Variants in OR51B5 observed in about 807,000 individuals in gnomAD.
The protein encoded by OR51B5 is olfactory receptor 51B5.
For missense variants in OR51B5, 456 were observed against 374.6 expected (o/e 1.22, Z -1.79); for synonymous variants, 186 against 144.8 (o/e 1.28, Z -2.04).
chr11:5,387,150 G>C (rs1050884391), intron 1 of OR51B5, among the ~76,000 whole-genome samples: 1 of 152,084 alleles, frequency 6.6e-6, no homozygotes, highest in Non-Finnish European at 1.5e-5. Context: ...ATAAATATTT[G>C]AGCAATGGAA....
Position 5,488,200 on chromosome 11 carries a change from G to A in OR51B5, n.84+17369C>T, listed in dbSNP as rs918718638. Among the ~76,000 whole-genome samples the A allele has an allele frequency of 2.6e-5, 4 of 152,152 alleles. No homozygotes were observed. The East Asian group carries it at 5.8e-4, about 22-fold the overall frequency. ...CCCAGCAGAATTTTGTAAGATAGTG[G>A]AAGTAGGAAAAATACAAAATTAGAG... is the stretch of plus-strand genomic sequence containing the variant. On this transcript the variant is annotated intron_variant and non_coding_transcript_variant, in intron 1 of 4. Transcript: ENST00000415970.
At chr11:5,425,829 T>A (rs2093283624) in intron 1 of OR51B5, among the ~76,000 whole-genome samples, 1 of 152,164 alleles carries the variant, frequency 6.6e-6, no homozygotes, top group African/African-American at 2.4e-5. Flanking sequence ...GTTAAATGGA[T>A]CCATTAGTTC....
intron 1 of OR51B5, among the ~76,000 whole-genome samples, chr11:5,471,663 A>G (rs1358869756): frequency 6.6e-6 from 1 of 152,208 alleles, no homozygotes; most frequent in African/African-American, 2.4e-5. Flanking sequence ...TGATCAAATA[A>G]AACATTTTAT....
intron 1 of OR51B5, among the ~76,000 whole-genome samples, chr11:5,494,038 G>C (rs866006678): frequency 6.6e-6 from 1 of 152,166 alleles, no homozygotes; most frequent in Non-Finnish European, 1.5e-5. Flanking sequence ...ATACTTCACA[G>C]ACTGAGCCTC....
At chr11:5,435,951 G>T (rs1324918882) in intron 1 of OR51B5, among the ~76,000 whole-genome samples, 1 of 152,004 alleles carries the variant, frequency 6.6e-6, no homozygotes. Context: ...CTTGTGCCTG[G>T]TTCATCCTGT....
intron 1 of OR51B5, among the ~76,000 whole-genome samples, chr11:5,436,950 A>G (rs1850603323): frequency 6.6e-6 from 1 of 152,122 alleles, no homozygotes; most frequent in Admixed American, 6.6e-5. Context: ...CAGCCAAGAG[A>G]GGAGGCTGCC....
At chr11:5,438,883 G>A (rs529528607) in intron 1 of OR51B5, among the ~76,000 whole-genome samples, 8 of 152,242 alleles carry the variant, frequency 5.3e-5, no homozygotes, top group African/African-American at 1.7e-4. Context: ...GCAGGTAAAC[G>A]CTTGGTAAAC....
At chr11:5,427,063 C>T (rs1051177297) in intron 1 of OR51B5, among the ~76,000 whole-genome samples, 4 of 152,196 alleles carry the variant, frequency 2.6e-5, no homozygotes, top group Non-Finnish European at 5.9e-5. Flanking sequence ...GAACTTTGTC[C>T]TAGTCCATTG....
intron 1 of OR51B5, among the ~76,000 whole-genome samples, chr11:5,361,053 A>G (rs1408936008): frequency 2.0e-5 from 3 of 152,048 alleles, no homozygotes; most frequent in African/African-American, 7.2e-5. Context: ...TGACGAGTTA[A>G]TGGGTGCAGC....
chr11:5,470,474 C>A (rs1277042827), intron 1 of OR51B5, among the ~76,000 whole-genome samples: 1 of 152,208 alleles, frequency 6.6e-6, no homozygotes, highest in Non-Finnish European at 1.5e-5. Context: ...TCCTCCATGT[C>A]TCTGCTCTGT....
At chr11:5,342,501 TG>T, downstream of OR51B5, 2 of 1,475,290 alleles carry the variant, frequency 1.4e-6, no homozygotes, top group Non-Finnish European at 1.8e-6. Context: ...CATATGAGCA[TG>T]CATGCTAGAT....
intron 1 of OR51B5, among the ~76,000 whole-genome samples, chr11:5,414,002 T>C (rs1261062373): frequency 6.8e-6 from 1 of 146,520 alleles, no homozygotes; most frequent in Non-Finnish European, 1.5e-5. Context: ...AAAGTTGAAA[T>C]GAAGGAAAAA....
At chr11:5,370,151 C>G (rs1564924843) in intron 1 of OR51B5, among the ~76,000 whole-genome samples, 1 of 152,064 alleles carries the variant, frequency 6.6e-6, no homozygotes, top group Non-Finnish European at 1.5e-5. Context: ...TAGAGGCTAC[C>G]AAGTTGTAAT....
At chr11:5,424,039 T>C (rs1850402370) in intron 1 of OR51B5, among the ~76,000 whole-genome samples, 1 of 152,174 alleles carries the variant, frequency 6.6e-6, no homozygotes, top group Non-Finnish European at 1.5e-5. Context: ...TTAAGGATCA[T>C]AAAAAATATT....
At chr11:5,484,063 A>G (rs754363757) in intron 1 of OR51B5, among the ~76,000 whole-genome samples, 1 of 152,070 alleles carries the variant, frequency 6.6e-6, no homozygotes, top group Non-Finnish European at 1.5e-5. Context: ...TTTCACCCTC[A>G]TACACACACC....
intron 1 of OR51B5, among the ~76,000 whole-genome samples, chr11:5,370,087 A>C (rs1041550486): frequency 1.3e-5 from 2 of 152,144 alleles, no homozygotes; most frequent in African/African-American, 4.8e-5. Flanking sequence ...TTTGTACAGC[A>C]TGTGCAAGCT....
intron 1 of OR51B5, chr11:5,423,000 C>T: frequency 6.2e-7 from 1 of 1,614,108 alleles, no homozygotes; most frequent in Non-Finnish European, 8.5e-7. Flanking sequence ...CATCGCTTTG[C>T]CAAGCATGCC....
rs11037693 is a variant in OR51B5, at chr11:5,480,777, T to G, written n.84+24792A>C. Among the ~76,000 whole-genome samples, 163 of 137,554 alleles carry G rather than the reference T, an allele frequency of 1.2e-3. 1 individual carries two copies. The highest frequency in any genetic ancestry group is 4.2e-3 in the African/African-American group (156 of 37,464). 90.2% of individuals were successfully genotyped at this position (137,554 alleles called of 152,430 possible). A position where few individuals can be genotyped will look rare whatever the true frequency, so the allele number is the denominator to read the frequency against. On this transcript the variant is annotated intron_variant and non_coding_transcript_variant, in intron 1 of 4. Transcript: ENST00000415970. ...ATCTAGAAGAAGTGGATAAATTCCTTGACACATACACTCTCCCAAGACTAA... is the reference window on the plus strand; with the variant it reads ...ATCTAGAAGAAGTGGATAAATTCCTGGACACATACACTCTCCCAAGACTAA...
At chr11:5,425,345 G>C (rs1850432028) in intron 1 of OR51B5, among the ~76,000 whole-genome samples, 1 of 152,230 alleles carries the variant, frequency 6.6e-6, no homozygotes, top group African/African-American at 2.4e-5. Flanking sequence ...CATAAATAAT[G>C]TCTTGATGAG....
Sources: allele counts gnomAD v4.1 joint callset (sites outside exome capture counted in the v4.1 genomes callset), GRCh38; gene constraint gnomAD v4.1.1; transcripts MANE v1.5; gene names NCBI Gene and HGNC (gene_info 2026-07-23, HGNC 2026-07-21).